Variants in SHISA9 observed in about 807,000 individuals in gnomAD.
The protein encoded by SHISA9 is shisa family member 9, also known as protein shisa-9.
A neutral mutation model predicts 38.0 loss-of-function variants in SHISA9; 13 were observed. The observed-to-expected ratio is 0.34, with a 90% CI of 0.22 to 0.54. The LOEUF is 0.54. Ranked by LOEUF, SHISA9 falls within the 20% of genes least tolerant of loss-of-function variation. The pLI is 0.91. For synonymous variants in SHISA9, 275 were observed against 242.0 expected (o/e 1.14, Z -1.27); for missense variants, 538 against 575.8 (o/e 0.93, Z 0.67).
the SHISA9 span, among the ~76,000 whole-genome samples, chr16:13,550,038 A>G: frequency 9.5e-5 from 14 of 147,010 alleles, no homozygotes. Flanking sequence ...AAAAAAAAAT[A>G]AAGTATATAT....
chr16:13,030,895 G>T (rs892717199), intron 2 of SHISA9, among the ~76,000 whole-genome samples: 1 of 152,202 alleles, frequency 6.6e-6, no homozygotes, highest in Admixed American at 6.5e-5. Flanking sequence ...TGACAGGGGA[G>T]TTCTAAGTAT....
chr16:13,392,558 A>G, the SHISA9 span, among the ~76,000 whole-genome samples: 2 of 152,164 alleles, frequency 1.3e-5, no homozygotes, highest in Non-Finnish European at 2.9e-5. Flanking sequence ...TGGCGGCATT[A>G]CAGATCACTT....
chr16:13,228,685 CTGT>C (rs2051302631), intron 4 of SHISA9, among the ~76,000 whole-genome samples: 1 of 152,014 alleles, frequency 6.6e-6, no homozygotes, highest in South Asian at 2.1e-4. Context: ...TATGTTCTCA[CTGT>C]ATTTTGCTCA....
Position 12,902,457 on chromosome 16 carries a change from C to A in SHISA9, c.393C>A (p.Thr131=). Residue 131 remains threonine, a synonymous_variant, in exon 1 of 5, where the codon ACC becomes ACA. Coordinates refer to ENST00000558583, the MANE Select transcript of SHISA9 (RefSeq NM_001145204.3). ...ACGACACGCCGCTCTGGCTCAACACCGGCAAGCCCCCCGCCCGCAAGGACG... is the reference window on the plus strand; with the variant it reads ...ACGACACGCCGCTCTGGCTCAACACAGGCAAGCCCCCCGCCCGCAAGGACG... The part of the protein sequence containing the change: ...TNYDTPLWLN[T]GKPPARKDDP... 1 of 1,551,402 alleles carries A rather than the reference C, an allele frequency of 6.4e-7. No individual in the cohort carries two copies. Among genetic ancestry groups the A allele is most frequent in the African/African-American group, 1.4e-5 (1 of 73,146 alleles).
the SHISA9 span, among the ~76,000 whole-genome samples, chr16:13,439,423 A>C: frequency 6.6e-6 from 1 of 152,196 alleles, no homozygotes; most frequent in South Asian, 2.1e-4. Flanking sequence ...AATTAACTTG[A>C]TTGTGGTAAT....
the SHISA9 span, among the ~76,000 whole-genome samples, chr16:13,354,882 TGAG>T: frequency 6.6e-6 from 1 of 151,998 alleles, no homozygotes; most frequent in African/African-American, 2.4e-5. Context: ...AGGTAACAGT[TGAG>T]GAAAAAATTT....
chr16:13,020,415 G>A (rs562448570), intron 2 of SHISA9, among the ~76,000 whole-genome samples: 22 of 152,260 alleles, frequency 1.4e-4, no homozygotes, highest in Non-Finnish European at 2.6e-4. Flanking sequence ...ATGTATCCAT[G>A]TGTTCTCGTC....
the SHISA9 span, chr16:13,332,455 C>T: frequency 3.3e-5 from 5 of 152,206 alleles, no homozygotes; most frequent in East Asian, 9.6e-4. Flanking sequence ...ACACTGAAAG[C>T]GAGAGAGATC....
intron 2 of SHISA9, among the ~76,000 whole-genome samples, chr16:12,953,978 C>G (rs768420247): frequency 2.6e-5 from 4 of 152,192 alleles, no homozygotes. Context: ...ATCCAGTCAC[C>G]TCCAACCAGG....
the SHISA9 span, among the ~76,000 whole-genome samples, chr16:13,501,608 A>C: frequency 6.6e-6 from 1 of 152,174 alleles, no homozygotes; most frequent in Non-Finnish European, 1.5e-5. Context: ...CCGGCCACAC[A>C]TCAGTAATCT....
the SHISA9 span, among the ~76,000 whole-genome samples, chr16:13,267,139 G>T: frequency 6.6e-6 from 1 of 152,088 alleles, no homozygotes; most frequent in Non-Finnish European, 1.5e-5. Flanking sequence ...GAAGCCAAGT[G>T]GGACCATATT....
chr16:13,034,087 G>A (rs991261737), intron 2 of SHISA9, among the ~76,000 whole-genome samples: 7 of 151,374 alleles, frequency 4.6e-5, no homozygotes, highest in Non-Finnish European at 1.0e-4. Flanking sequence ...AGAGGTTGCA[G>A]AGAGCTGAGA....
At chr16:13,159,576 C>T (rs1172008511) in intron 2 of SHISA9, among the ~76,000 whole-genome samples, 3 of 152,258 alleles carry the variant, frequency 2.0e-5, no homozygotes, top group Non-Finnish European at 4.4e-5. Flanking sequence ...ATGAAGATGA[C>T]TGGCTCTTGG....
intron 1 of SHISA9, among the ~76,000 whole-genome samples, chr16:12,914,743 T>A (rs553713688): frequency 6.6e-6 from 1 of 152,222 alleles, no homozygotes; most frequent in Non-Finnish European, 1.5e-5. Flanking sequence ...TCCCCATGCT[T>A]GGGGCCTGTG....
the SHISA9 span, among the ~76,000 whole-genome samples, chr16:13,395,279 C>A: frequency 6.6e-6 from 1 of 152,114 alleles, no homozygotes. Flanking sequence ...CTTCAGGAAC[C>A]GTGCAGACTT....
At chr16:13,544,719 G>T in the SHISA9 span, among the ~76,000 whole-genome samples, 1 of 152,100 alleles carries the variant, frequency 6.6e-6, no homozygotes, top group African/African-American at 2.4e-5. Flanking sequence ...GAGGTGGGCA[G>T]ATCACTTGAG....
At chr16:13,061,028 T>C (rs1224580189) in intron 2 of SHISA9, among the ~76,000 whole-genome samples, 2 of 152,138 alleles carry the variant, frequency 1.3e-5, no homozygotes. Context: ...ATCGGGGACC[T>C]TGTGGTCCCA....
chr16:12,906,796 G>C (rs999987719), intron 1 of SHISA9, among the ~76,000 whole-genome samples: 1 of 152,044 alleles, frequency 6.6e-6, no homozygotes, highest in Non-Finnish European at 1.5e-5. Flanking sequence ...CGTTGTACGG[G>C]GCTGTCCTGT....
intron 2 of SHISA9, among the ~76,000 whole-genome samples, chr16:13,114,097 TCA>T (rs1461035310): frequency 1.3e-5 from 2 of 152,124 alleles, no homozygotes; most frequent in African/African-American, 2.4e-5. Flanking sequence ...ATTAGCAAAC[TCA>T]CAATATTGAA....
Sources: gnomAD v4.1 joint callset for allele counts (sites outside exome capture counted in the v4.1 genomes callset) on GRCh38, gnomAD v4.1.1 for gene constraint, MANE v1.5 for transcripts, NCBI Gene and HGNC (gene_info 2026-07-23, HGNC 2026-07-21) for gene names.